The following SLC14A1 variants were observed in gnomAD, a reference collection of about 807,000 sequenced individuals.
SLC14A1 encodes urea transporter 1.
In SLC14A1, 36 loss-of-function variants were observed where a neutral mutation model predicts 39.6. The ratio of observed to expected loss-of-function variants is 0.91; its 90% CI spans 0.70 to 1.20. The LOEUF (loss-of-function observed/expected upper bound fraction) is 1.20, where lower values mean the gene tolerates loss of function less well. Ranked by LOEUF, SLC14A1 falls within the 50% of genes most tolerant of loss-of-function variation. The pLI is 0.00. For synonymous variants in SLC14A1, 164 were observed against 173.6 expected, an observed-to-expected ratio of 0.94 and a Z score of 0.43; for missense variants, 469 against 478.7, an observed-to-expected ratio of 0.98 and a Z score of 0.19.
rs760397342 is a variant in SLC14A1, at chr18:45,752,325, G to C, written c.*2374G>C. The C allele has an allele frequency of 1.4e-5, 10 of 713,212 alleles. No homozygotes were observed. Among genetic ancestry groups the C allele is most frequent in the Non-Finnish European group, 1.7e-5 (10 of 581,612 alleles). 44.2% of individuals were successfully genotyped at this position (713,212 alleles called of 1,614,324 possible). A position where few individuals can be genotyped will look rare whatever the true frequency, so the allele number is the denominator to read the frequency against. On this transcript the variant is annotated 3_prime_UTR_variant, in exon 10 of 10. Coordinates refer to ENST00000321925, the MANE Select transcript of SLC14A1 (RefSeq NM_015865.7). ...TTCAGAACAGGGATCTACCATGCAG[G>C]AGCTTCTTGTGCTCACACAAATCTG...
chr18:45,743,926 A>G (rs2047466709), intron 8 of SLC14A1, among the ~76,000 whole-genome samples: 1 of 151,938 alleles, frequency 6.6e-6, no homozygotes, highest in Admixed American at 6.6e-5. Flanking sequence ...CGTAAGTATA[A>G]GTTTTTGTTT....
chr18:45,747,658 GC>G (rs1339471834), intron 8 of SLC14A1, among the ~76,000 whole-genome samples: 4 of 152,100 alleles, frequency 2.6e-5, no homozygotes, highest in Admixed American at 2.6e-4. Flanking sequence ...TCACGCCAGT[GC>G]CCTCCAGCCT....
rs1007333471 is a variant in SLC14A1 at position 45,739,902 on chromosome 18, A to T, written c.946+240A>T. On this transcript the variant is annotated intron_variant, in intron 8 of 9. Coordinates refer to ENST00000321925, the MANE Select transcript of SLC14A1 (RefSeq NM_015865.7). ...CCTATTGAGTCATATTAATATCCTA[A>T]AACATGGATGTTTGGGAGGATAGAA... 5.2e-6 allele frequency: 3 copies of T among 572,540 alleles called. No individual in the cohort carries two copies. The African/African-American group carries it at 5.6e-5, about 11-fold the overall frequency. 35.5% of individuals were successfully genotyped at this position (572,540 alleles called of 1,614,324 possible). A position where few individuals can be genotyped will look rare whatever the true frequency, so the allele number is the denominator to read the frequency against.
intron 7 of SLC14A1, 28 bp downstream of exon 7, chr18:45,739,338 T>C (rs533288249): frequency 1.9e-6 from 3 of 1,613,992 alleles, no homozygotes; most frequent in Admixed American, 1.7e-5. Context: ...TACCAAATAT[T>C]GAGCACCTCC....
chr18:45,750,715 G>T lies in SLC14A1; in HGVS notation c.*764G>T, dbSNP rs181726247. On this transcript the variant is annotated 3_prime_UTR_variant, in exon 10 of 10. Transcript: ENST00000321925. Reference sequence around the variant, plus strand: ...ATCTGTTTTAAATGAGATAAAATAGGAGAAGTTCCTGGCTTAACCTGTTCT... The same window carrying T: ...ATCTGTTTTAAATGAGATAAAATAGTAGAAGTTCCTGGCTTAACCTGTTCT... The T allele has an allele frequency of 1.0e-6, 1 of 984,628 alleles. No homozygotes were observed. Among genetic ancestry groups the T allele is most frequent in the Admixed American group, 6.2e-5 (1 of 16,256 alleles). 61.0% of individuals were successfully genotyped at this position (984,628 alleles called of 1,614,324 possible).
rs988047790 is a variant in SLC14A1 at position 45,750,434 on chromosome 18, A to G, written c.*483A>G. 2 of 1,073,918 alleles carry G rather than the reference A, an allele frequency of 1.9e-6. No homozygotes were observed. Among genetic ancestry groups the G allele is most frequent in the Non-Finnish European group, 2.3e-6 (2 of 884,834 alleles). 66.5% of individuals were successfully genotyped at this position (1,073,918 alleles called of 1,614,324 possible). ...TTTTTTAAATCAATGCAAGTTACAC[A>G]TTATAGCCAGAATCTGTATCACAGA... On this transcript the variant is annotated 3_prime_UTR_variant, in exon 10 of 10. Coordinates refer to ENST00000321925, the MANE Select transcript of SLC14A1 (RefSeq NM_015865.7).
Position 45,736,322 on chromosome 18 carries a change from T to G in SLC14A1, c.471-134T>G, listed in dbSNP as rs1437131831. 2.4e-5 allele frequency: 19 copies of G among 794,996 alleles called. No homozygotes were observed. In the Admixed American group the frequency reaches 3.6e-4, roughly 15 times the overall value. 49.2% of individuals were successfully genotyped at this position (794,996 alleles called of 1,614,324 possible). A position where few individuals can be genotyped will look rare whatever the true frequency, so the allele number is the denominator to read the frequency against. On this transcript the variant is annotated intron_variant, in intron 5 of 9. Coordinates refer to ENST00000321925, the MANE Select transcript of SLC14A1 (RefSeq NM_015865.7). ...AATAGGATTTATCCCAAGTTTTCTTTCTGTGGCAAATGTGCCAACACAACA... is the reference window on the plus strand; with the variant it reads ...AATAGGATTTATCCCAAGTTTTCTTGCTGTGGCAAATGTGCCAACACAACA...
chr18:45,751,584 C>T lies in SLC14A1; in HGVS notation c.*1633C>T. 1 of 865,916 alleles carries T rather than the reference C, an allele frequency of 1.2e-6. No homozygotes were observed. The highest frequency in any genetic ancestry group is 1.4e-6 in the Non-Finnish European group (1 of 721,442). 53.6% of individuals were successfully genotyped at this position (865,916 alleles called of 1,614,324 possible). On this transcript the variant is annotated 3_prime_UTR_variant, in exon 10 of 10. Transcript: ENST00000321925. ...CTTGAGCCCAGGAGTTCAAGACCAG[C>T]TTGGGCAACATAGCAAGACTCCATC...
rs1452897542 is a variant in SLC14A1, at chr18:45,750,429, T to TA, written c.*479dup. 1.3e-5 allele frequency: 14 copies of TA among 1,077,988 alleles called. No individual in the cohort carries two copies. The highest frequency in any genetic ancestry group is 5.1e-5 in the African/African-American group (3 of 59,248). The allele number at this position is 1,077,988 out of a possible 1,614,324, so 66.8% of individuals were successfully genotyped here. A position where few individuals can be genotyped will look rare whatever the true frequency, so the allele number is the denominator to read the frequency against. On this transcript the variant is annotated 3_prime_UTR_variant, in exon 10 of 10. Coordinates refer to ENST00000321925, the MANE Select transcript of SLC14A1 (RefSeq NM_015865.7). ...GCTTTTTTTTTAAATCAATGCAAGTTACACATTATAGCCAGAATCTGTATC... is the reference window on the plus strand; with the variant it reads ...GCTTTTTTTTTAAATCAATGCAAGTTAACACATTATAGCCAGAATCTGTATC...
chr18:45,748,388 C>G lies in SLC14A1; in HGVS notation c.959C>G (p.Ala320Gly), dbSNP rs1351757238. ...LLALGCALFTAYLGVGMANFM... is the reference protein window; with the variant it reads ...LLALGCALFTGYLGVGMANFM... ...TTTTTTTCTGTAGCCCTGTTCACGGCCTATCTTGGAGTCGGCATGGCAAAC... is the reference window on the plus strand; with the variant it reads ...TTTTTTTCTGTAGCCCTGTTCACGGGCTATCTTGGAGTCGGCATGGCAAAC... Residue 320 changes from alanine to glycine, a missense_variant, in exon 9 of 10, where the codon GCC (alanine) becomes GGC (glycine). Physicochemically the swap from Ala to Gly is moderately conservative, Grantham distance 60. Transcript: ENST00000321925. 1 of 1,614,092 alleles carries G rather than the reference C, an allele frequency of 6.2e-7. No individual in the cohort carries two copies. The highest frequency in any genetic ancestry group is 1.1e-5 in the South Asian group (1 of 91,072).
At chr18:45,734,933 C>T (rs1434009848) in intron 5 of SLC14A1, among the ~76,000 whole-genome samples, 1 of 152,190 alleles carries the variant, frequency 6.6e-6, no homozygotes, top group Non-Finnish European at 1.5e-5. Context: ...TTCCTTACAA[C>T]CAGTTATTTG....
At chr18:45,739,956 TTATCCCCAGAGA>T in intron 8 of SLC14A1, 1 of 438,986 alleles carries the variant, frequency 2.3e-6, no homozygotes, top group Non-Finnish European at 4.2e-6. Context: ...TTCTTCAGCT[TTATCCCCAGAGA>T]TACACCAGCC....
At chr18:45,746,622 T>G (rs2047553125) in intron 8 of SLC14A1, among the ~76,000 whole-genome samples, 1 of 152,144 alleles carries the variant, frequency 6.6e-6, no homozygotes, top group Admixed American at 6.5e-5. Context: ...AGAGGGCCAA[T>G]GAATAGTTGT....
intron 2 of SLC14A1, chr18:45,727,436 A>T (rs1568029160): frequency 1.3e-6 from 2 of 1,532,330 alleles, no homozygotes; most frequent in African/African-American, 2.7e-5. Flanking sequence ...TCCTTCGTGC[A>T]GCCTCTGGCT....
chr18:45,746,411 T>C (rs1025926507), intron 8 of SLC14A1, among the ~76,000 whole-genome samples: 3 of 152,166 alleles, frequency 2.0e-5, no homozygotes, highest in East Asian at 3.8e-4. Flanking sequence ...ACTTGTACTA[T>C]GGAGAGAAAA....
At chr18:45,725,528 C>G (rs2046840391) in intron 2 of SLC14A1, among the ~76,000 whole-genome samples, 1 of 152,196 alleles carries the variant, frequency 6.6e-6, no homozygotes, top group African/African-American at 2.4e-5. Context: ...GTTCAACCCC[C>G]ACCCCAAGAT....
In SLC14A1 at chr18:45,752,309, G is replaced by A. The variant is rs2047731873; in HGVS notation, c.*2358G>A. On this transcript the variant is annotated 3_prime_UTR_variant, in exon 10 of 10. Coordinates refer to ENST00000321925, the MANE Select transcript of SLC14A1 (RefSeq NM_015865.7). ...TGGACCCGAGTCGATCTTCAGAACAGGGATCTACCATGCAGGAGCTTCTTG... is the reference window on the plus strand; with the variant it reads ...TGGACCCGAGTCGATCTTCAGAACAAGGATCTACCATGCAGGAGCTTCTTG... The A allele has an allele frequency of 1.1e-6, 1 of 874,000 alleles. No individual in the cohort carries two copies. 54.1% of individuals were successfully genotyped at this position (874,000 alleles called of 1,614,324 possible). A position where few individuals can be genotyped will look rare whatever the true frequency, so the allele number is the denominator to read the frequency against.
In SLC14A1 at chr18:45,736,662, G is replaced by T. The variant is rs899723731; in HGVS notation, c.663+14G>T. On this transcript the variant is annotated intron_variant, in intron 6 of 9. Transcript: ENST00000321925. ...AGTGCCCTGGAGGTAAGAGACACTG[G>T]CTTCTCACATTCGCCCTGGCTCTGC... The T allele has an allele frequency of 3.1e-6, 5 of 1,612,178 alleles. No homozygotes were observed. The highest frequency in any genetic ancestry group is 4.2e-6 in the Non-Finnish European group (5 of 1,178,448).
rs1288144472 is a variant in SLC14A1, at chr18:45,751,355, A to C, written c.*1404A>C. ...AACTGTGTCTCTCAAAAAAAAAAAA[A>C]AACAAACAAAAACAAAAACAAAACA... is the stretch of plus-strand genomic sequence containing the variant. On this transcript the variant is annotated 3_prime_UTR_variant, in exon 10 of 10. Transcript: ENST00000321925. 404 of 772,250 alleles carry C rather than the reference A, an allele frequency of 5.2e-4. 10 individuals are homozygous for C. Among genetic ancestry groups the C allele is most frequent in the East Asian group, 1.4e-3 (10 of 7,350 alleles). The allele number at this position is 772,250 out of a possible 1,614,324, so 47.8% of individuals were successfully genotyped here. A position where few individuals can be genotyped will look rare whatever the true frequency, so the allele number is the denominator to read the frequency against.
Sources: allele counts gnomAD v4.1 joint callset (sites outside exome capture counted in the v4.1 genomes callset), GRCh38; gene constraint gnomAD v4.1.1; transcripts MANE v1.5; gene names NCBI Gene and HGNC (gene_info 2026-07-23, HGNC 2026-07-21).